CTNND2: variants seen among roughly 807,000 people sequenced by gnomAD.
The protein encoded by CTNND2 is catenin delta 2.
A neutral mutation model predicts 144.4 loss-of-function variants in CTNND2; 22 were observed. The observed-to-expected ratio is 0.15, with a 90% CI of 0.11 to 0.22. The LOEUF (loss-of-function observed/expected upper bound fraction) is 0.22, where lower values mean the gene tolerates loss of function less well. CTNND2 is among the 10% of genes least tolerant of loss of function. The pLI is 1.00. For synonymous variants in CTNND2, 751 were observed against 695.6 expected (o/e 1.08, Z -1.25); for missense variants, 1,353 against 1,618.8 (o/e 0.84, Z 2.82).
intron 2 of CTNND2, among the ~76,000 whole-genome samples, chr5:11,730,912 A>G (rs1407084931): frequency 6.6e-6 from 1 of 152,224 alleles, no homozygotes; most frequent in Non-Finnish European, 1.5e-5. Flanking sequence ...AGAAAGCACG[A>G]CATAACCCAA....
At chr5:10,985,890 C>T (rs1446110740) in intron 20 of CTNND2, among the ~76,000 whole-genome samples, 1 of 152,138 alleles carries the variant, frequency 6.6e-6, no homozygotes, top group Non-Finnish European at 1.5e-5. Flanking sequence ...CTGAAAGTGG[C>T]AAACCACCAC....
At chr5:11,743,131 T>C (rs1036250639) in intron 1 of CTNND2, among the ~76,000 whole-genome samples, 7 of 152,230 alleles carry the variant, frequency 4.6e-5, no homozygotes, top group Non-Finnish European at 8.8e-5. Flanking sequence ...ACTCAATCTG[T>C]CTTGGTCTAT....
At chr5:11,674,372 C>G (rs1359342638) in intron 2 of CTNND2, among the ~76,000 whole-genome samples, 1 of 152,028 alleles carries the variant, frequency 6.6e-6, no homozygotes, top group African/African-American at 2.4e-5. Flanking sequence ...TTAATTTTAG[C>G]GTAGTTTTAG....
chr5:11,082,507 C>T (rs926276605), intron 16 of CTNND2, among the ~76,000 whole-genome samples, 189 bp downstream of exon 16: 24 of 152,280 alleles, frequency 1.6e-4, no homozygotes, highest in African/African-American at 5.3e-4. Context: ...ATCACATTTT[C>T]CTCTAAATTC....
At chr5:11,380,740 C>G (rs570401620) in intron 7 of CTNND2, among the ~76,000 whole-genome samples, 4 of 152,188 alleles carry the variant, frequency 2.6e-5, no homozygotes, top group Non-Finnish European at 5.9e-5. Context: ...GTTTGTCTAT[C>G]AGGAAGATCC....
At chr5:11,567,032 A>T (rs563798931) in intron 2 of CTNND2, among the ~76,000 whole-genome samples, 16 of 152,254 alleles carry the variant, frequency 1.1e-4, no homozygotes, top group African/African-American at 3.9e-4. Flanking sequence ...TGTGGTTCTC[A>T]TTTTGGAAGA....
At chr5:11,688,552 C>G (rs967615391) in intron 2 of CTNND2, among the ~76,000 whole-genome samples, 1 of 152,186 alleles carries the variant, frequency 6.6e-6, no homozygotes, top group East Asian at 1.9e-4. Flanking sequence ...TTTCATTTTA[C>G]AATTTTGAAA....
At chr5:11,490,524 T>C (rs896647324) in intron 3 of CTNND2, among the ~76,000 whole-genome samples, 11 of 141,186 alleles carry the variant, frequency 7.8e-5, no homozygotes, top group African/African-American at 2.8e-4. Flanking sequence ...TACTCAAATA[T>C]CTCAAGACAT....
chr5:11,497,387 G>A (rs1024909668), intron 3 of CTNND2, among the ~76,000 whole-genome samples: 1 of 151,972 alleles, frequency 6.6e-6, no homozygotes, highest in Non-Finnish European at 1.5e-5. Flanking sequence ...GCAGGAAGGA[G>A]TAGGGAGCTG....
intron 2 of CTNND2, 72 bp from the exon 3 acceptor site, chr5:11,565,128 G>T: frequency 2.1e-6 from 2 of 947,188 alleles, no homozygotes; most frequent in Non-Finnish European, 3.4e-6. Context: ...AAAATAATAG[G>T]ACGGCTGAGG....
chr5:11,127,047 G>A (rs760115275), intron 12 of CTNND2, among the ~76,000 whole-genome samples: 2 of 152,232 alleles, frequency 1.3e-5, no homozygotes, highest in Non-Finnish European at 2.9e-5. Context: ...GTGCAGGGGT[G>A]GGGTCTGCAG....
intron 16 of CTNND2, among the ~76,000 whole-genome samples, chr5:11,033,946 A>G (rs1264544326): frequency 1.3e-5 from 2 of 152,238 alleles, no homozygotes; most frequent in African/African-American, 4.8e-5. Flanking sequence ...AAAAAATTTA[A>G]AGCAAAGAAA....
intron 3 of CTNND2, among the ~76,000 whole-genome samples, chr5:11,431,716 G>T (rs1763303800): frequency 6.6e-6 from 1 of 152,094 alleles, no homozygotes; most frequent in Non-Finnish European, 1.5e-5. Flanking sequence ...TCTGAGCCCT[G>T]CCCCTACAGT....
In CTNND2 at chr5:11,732,343, T is replaced by C. The variant is rs1787438715; in HGVS notation, c.38-71A>G. 2.7e-6 allele frequency: 4 copies of C among 1,466,110 alleles called. No homozygotes were observed. In the African/African-American group the frequency reaches 4.2e-5, roughly 15 times the overall value. The allele number at this position is 1,466,110 out of a possible 1,614,324, so 90.8% of individuals were successfully genotyped here. A position where few individuals can be genotyped will look rare whatever the true frequency, so the allele number is the denominator to read the frequency against. On this transcript the variant is annotated intron_variant, in intron 1 of 21. Coordinates refer to ENST00000304623, the MANE Select transcript of CTNND2 (RefSeq NM_001332.4). ...AAACAGGTACAACTATCAGACCACT[T>C]TGAAGATACACACAGAAAAAAAAGT...
chr5:11,812,306 T>C (rs894052062), intron 1 of CTNND2, among the ~76,000 whole-genome samples: 1 of 152,170 alleles, frequency 6.6e-6, no homozygotes, highest in African/African-American at 2.4e-5. Context: ...TTTAATTCTG[T>C]GAAAATCAGA....
At chr5:11,762,127 C>T (rs1013533282) in intron 1 of CTNND2, among the ~76,000 whole-genome samples, 7 of 152,068 alleles carry the variant, frequency 4.6e-5, no homozygotes, top group Non-Finnish European at 7.4e-5. Context: ...CTCAATTTCA[C>T]GTTGTCAATT....
At chr5:11,092,933 C>T (rs1750916480) in intron 15 of CTNND2, among the ~76,000 whole-genome samples, 1 of 152,188 alleles carries the variant, frequency 6.6e-6, no homozygotes, top group Non-Finnish European at 1.5e-5. Context: ...CAGTCTTTCT[C>T]AAGGCTGTTA....
intron 3 of CTNND2, among the ~76,000 whole-genome samples, chr5:11,486,504 C>T (rs1768846139): frequency 6.6e-6 from 1 of 151,688 alleles, no homozygotes; most frequent in Admixed American, 6.6e-5. Flanking sequence ...GTCTTTTTTT[C>T]CCCCCAAATT....
intron 3 of CTNND2, among the ~76,000 whole-genome samples, chr5:11,464,378 A>T (rs1766478184): frequency 6.6e-6 from 1 of 152,078 alleles, no homozygotes; most frequent in Non-Finnish European, 1.5e-5. Flanking sequence ...GGGAGGAGAG[A>T]GTCCTGGGCA....
Sources: allele counts gnomAD v4.1 joint callset (sites outside exome capture counted in the v4.1 genomes callset), GRCh38; gene constraint gnomAD v4.1.1; transcripts MANE v1.5; gene names NCBI Gene and HGNC (gene_info 2026-07-23, HGNC 2026-07-21).